The following SLC6A15 variants were observed in gnomAD, a reference collection of about 807,000 sequenced individuals.
SLC6A15 encodes solute carrier family 6 member 15.
Under a neutral mutation model 68.5 loss-of-function variants are expected in SLC6A15, and 33 were observed. That is an observed-to-expected ratio of 0.48 (90% CI 0.37 to 0.64). The LOEUF is 0.64. SLC6A15 is among the 30% of genes least tolerant of loss of function. SLC6A15 has a pLI of 0.00. For synonymous variants in SLC6A15, 347 were observed against 301.0 expected (o/e 1.15, Z -1.58); for missense variants, 747 against 874.3 (o/e 0.85, Z 1.84).
intron 10 of SLC6A15, among the ~76,000 whole-genome samples, chr12:84,864,779 C>A (rs1360841112): frequency 6.6e-6 from 1 of 152,070 alleles, no homozygotes; most frequent in African/African-American, 2.4e-5. Flanking sequence ...GTTCTGTGTT[C>A]TTTTGATGTA....
chr12:84,876,594 C>A lies in SLC6A15; in HGVS notation c.770G>T (p.Ser257Ile). ...IQSSGKIIYFSSLFPYVVLIC... is the reference protein window; with the variant it reads ...IQSSGKIIYFISLFPYVVLIC... ...AAGTACCACATATGGAAACAGAGAA[C>A]TAAAATATATGATCTGCAAAGAAAT... The change falls in exon 6 of 12, where the codon AGT becomes ATT. Residue 257 changes from serine to isoleucine, a missense_variant. Transcript: ENST00000266682. 1 of 1,530,430 alleles carries A rather than the reference C, an allele frequency of 6.5e-7. No individual in the cohort carries two copies. The highest frequency in any genetic ancestry group is 1.4e-5 in the African/African-American group (1 of 72,144). The allele number at this position is 1,530,430 out of a possible 1,614,324, so 94.8% of individuals were successfully genotyped here.
intron 1 of SLC6A15, among the ~76,000 whole-genome samples, chr12:84,904,159 T>G (rs2120729582): frequency 6.9e-6 from 1 of 144,984 alleles, no homozygotes; most frequent in Non-Finnish European, 1.5e-5. Context: ...CGTCTGCTTC[T>G]CCTGCTAGAA....
intron 2 of SLC6A15, among the ~76,000 whole-genome samples, chr12:84,888,368 C>T (rs1872220853): frequency 6.6e-6 from 1 of 151,910 alleles, no homozygotes; most frequent in Non-Finnish European, 1.5e-5. Flanking sequence ...AGCCTAAGTG[C>T]CCATCGACTA....
intron 4 of SLC6A15, among the ~76,000 whole-genome samples, chr12:84,885,187 G>A (rs1328780819): frequency 2.0e-5 from 3 of 151,928 alleles, no homozygotes; most frequent in Non-Finnish European, 4.4e-5. Flanking sequence ...ATAAGTGAAG[G>A]CTTATAATAC....
At chr12:84,908,233 C>T (rs1462740013) in intron 1 of SLC6A15, among the ~76,000 whole-genome samples, 1 of 152,142 alleles carries the variant, frequency 6.6e-6, no homozygotes, top group African/African-American at 2.4e-5. Flanking sequence ...TTACCAACTA[C>T]ATGGGACTCA....
chr12:84,879,498 T>C (rs1420037677), intron 5 of SLC6A15, among the ~76,000 whole-genome samples: 2 of 151,658 alleles, frequency 1.3e-5, no homozygotes, highest in Admixed American at 1.3e-4. Context: ...GACAATTTTT[T>C]GTATTTTAGT....
chr12:84,909,946 G>A (rs77626955), intron 1 of SLC6A15, among the ~76,000 whole-genome samples: 6,095 of 152,174 alleles, frequency 0.04, 386 homozygotes, highest in African/African-American at 0.13. Context: ...GGGTAAGGTA[G>A]TAACTATGAA....
chr12:84,888,636 G>A (rs1037484455), intron 2 of SLC6A15, among the ~76,000 whole-genome samples: 6 of 152,028 alleles, frequency 3.9e-5, no homozygotes, highest in East Asian at 3.9e-4. Flanking sequence ...TGGGGGATAC[G>A]GTTAAAAAAC....
At chr12:84,865,425 G>A (rs6539872) in intron 10 of SLC6A15, among the ~76,000 whole-genome samples, 76,046 of 152,072 alleles carry the variant, frequency 0.5, 22,869 homozygotes, top group African/African-American at 0.84. Context: ...AGAGTGGAAT[G>A]TTGGTTACAA....
chr12:84,903,370 C>T (rs564208030), intron 1 of SLC6A15, among the ~76,000 whole-genome samples: 1 of 151,794 alleles, frequency 6.6e-6, no homozygotes. Flanking sequence ...CACATGTACC[C>T]TAAAACTTAA....
intron 2 of SLC6A15, among the ~76,000 whole-genome samples, chr12:84,889,907 G>C (rs1353773501): frequency 6.9e-6 from 1 of 145,132 alleles, no homozygotes; most frequent in African/African-American, 2.7e-5. Flanking sequence ...TGTTTTAAAA[G>C]GATAATATCA....
At chr12:84,897,118 G>A (rs960024300) in intron 1 of SLC6A15, among the ~76,000 whole-genome samples, 9 of 152,228 alleles carry the variant, frequency 5.9e-5, no homozygotes, top group African/African-American at 2.2e-4. Context: ...ATTTGAACTG[G>A]GGAGGCAGAG....
At chr12:84,878,412 C>A (rs1201680372) in intron 5 of SLC6A15, among the ~76,000 whole-genome samples, 1 of 151,970 alleles carries the variant, frequency 6.6e-6, no homozygotes, top group African/African-American at 2.4e-5. Flanking sequence ...TTAAAGTAAT[C>A]CCCTTTATGA....
At position 84,860,177 on chromosome 12, in the gene SLC6A15, A is replaced by G. The variant is rs2120513861; in HGVS notation, c.*1455T>C. 1 of 152,236 alleles carries G rather than the reference A, an allele frequency of 6.6e-6. No individual in the cohort carries two copies. The highest frequency in any genetic ancestry group is 1.9e-4 in the East Asian group (1 of 5,182). 9.4% of individuals were successfully genotyped at this position (152,236 alleles called of 1,614,324 possible). A position where few individuals can be genotyped will look rare whatever the true frequency, so the allele number is the denominator to read the frequency against. On this transcript the variant is annotated 3_prime_UTR_variant, in exon 12 of 12. Coordinates refer to ENST00000266682, the MANE Select transcript of SLC6A15 (RefSeq NM_182767.6). ...GCAGAGCGAGAATACTGGCTGAAAT[A>G]AATCAATTGATATGGCATGTGTATT...
chr12:84,883,126 G>A (rs1249103697), intron 5 of SLC6A15: 13 of 980,162 alleles, frequency 1.3e-5, no homozygotes, highest in Non-Finnish European at 1.6e-5. Flanking sequence ...GATGTGGAGA[G>A]CTTTAGAACA....
rs1030252923 is a variant in SLC6A15 at position 84,898,341 on chromosome 12, A to AAAAC, written c.-188-6037_-188-6034dup. On this transcript the variant is annotated intron_variant, in intron 1 of 11. Transcript: ENST00000266682. ...GGTGACAGAGTGAGATCTGTCTTAA[A>AAAAC]AAACAAACAAACAAACAAAAAACAA... is the stretch of plus-strand genomic sequence containing the variant. 2.6e-5 allele frequency among the ~76,000 whole-genome samples: 4 copies of AAAAC among 152,340 alleles called. No homozygotes were observed. In the East Asian group the frequency reaches 5.8e-4, roughly 22 times the overall value.
At chr12:84,881,699 A>AT (rs1454306169) in intron 5 of SLC6A15, 1 of 939,010 alleles carries the variant, frequency 1.1e-6, no homozygotes, top group African/African-American at 1.8e-5. Flanking sequence ...TTGTTTTTCC[A>AT]TGTGCTAGCC....
intron 10 of SLC6A15, among the ~76,000 whole-genome samples, chr12:84,864,320 C>CTT (rs551232166): frequency 2.4e-4 from 31 of 131,738 alleles, no homozygotes; most frequent in African/African-American, 3.1e-4. Context: ...TTCTTTCTTT[C>CTT]TTTTTTTTTT....
At chr12:84,907,168 T>C (rs1226495730) in intron 1 of SLC6A15, among the ~76,000 whole-genome samples, 1 of 151,850 alleles carries the variant, frequency 6.6e-6, no homozygotes, top group Non-Finnish European at 1.5e-5. Flanking sequence ...GCTAACACGG[T>C]GAAACCCTGT....
Sources: gnomAD v4.1 joint callset for allele counts (sites outside exome capture counted in the v4.1 genomes callset) on GRCh38, gnomAD v4.1.1 for gene constraint, MANE v1.5 for transcripts, NCBI Gene and HGNC (gene_info 2026-07-23, HGNC 2026-07-21) for gene names.